The following HRG variants were observed in gnomAD, a reference collection of about 807,000 sequenced individuals.
HRG encodes histidine rich glycoprotein.
HRG carries 26 observed loss-of-function variants against 29.5 expected under a neutral mutation model. The observed-to-expected ratio is 0.88, with a 90% CI of 0.65 to 1.22. The LOEUF (loss-of-function observed/expected upper bound fraction) is 1.22. Ranked by LOEUF, HRG falls within the 50% of genes most tolerant of loss-of-function variation. The pLI is 0.00. For missense variants in HRG, 671 were observed against 654.5 expected (o/e 1.03, Z -0.28); for synonymous variants, 243 against 240.4 (o/e 1.01, Z -0.10).
chr3:186,675,302 T>TGAGAGAGAGAGAGAGAGA (rs766618968), intron 6 of HRG, 112 bp downstream of exon 6: 4 of 574,596 alleles, frequency 7.0e-6, no homozygotes, highest in Non-Finnish European at 1.3e-5. Context: ...TGTGTGTGTG[T>TGAGAGAGAGAGAGAGAGA]GTGTGTGAGA....
chr3:186,670,274 T>C (rs368800134), intron 3 of HRG, among the ~76,000 whole-genome samples: 2 of 152,044 alleles, frequency 1.3e-5, no homozygotes, highest in Non-Finnish European at 2.9e-5. Context: ...CACATAAAAA[T>C]AGAGATTTAG....
At chr3:186,675,911 C>T (rs1460575950) in intron 6 of HRG, among the ~76,000 whole-genome samples, 1 of 122,366 alleles carries the variant, frequency 8.2e-6, no homozygotes, top group African/African-American at 3.2e-5. Context: ...CTCTTATTGC[C>T]CAGGCTGGAA....
At position 186,675,184 on chromosome 3, in the gene HRG, C is replaced by A. The variant is rs146147437; in HGVS notation, c.735C>A (p.Asp245Glu). 81 of 1,609,962 alleles carry A rather than the reference C, an allele frequency of 5.0e-5. No individual in the cohort carries two copies. The African/African-American group carries it at 9.1e-4, about 18-fold the overall frequency. ...TTGTCATAAACTGTGAAGTCTTCGA[C>A]CCTCAGGTGGGTTGTCTAAGCAGAC... is the stretch of plus-strand genomic sequence containing the variant. The part of the protein sequence containing the change: ...KNLVINCEVF[D>E]PQEHENINGV... Residue 245 changes from aspartate to glutamate, a missense_variant, in exon 6 of 7, where the codon GAC (aspartate) becomes GAA (glutamate). Asp to Glu is a conservative substitution (Grantham distance 45). Coordinates refer to ENST00000232003, the MANE Select transcript of HRG (RefSeq NM_000412.5).
intron 5 of HRG, chr3:186,674,015 G>C (rs1354901913): frequency 6.6e-6 from 1 of 152,176 alleles, no homozygotes; most frequent in African/African-American, 2.4e-5. Flanking sequence ...CACTTAGCTA[G>C]AGAGTGTTAG....
chr3:186,669,087 A>G (rs978244941), intron 2 of HRG, 36 bp downstream of exon 2: 7 of 1,126,194 alleles, frequency 6.2e-6, no homozygotes, highest in Non-Finnish European at 9.5e-6. Flanking sequence ...TGCTCTTTTC[A>G]TTCTTATTTT....
In HRG at chr3:186,672,402, C is replaced by G. The variant is rs187523083; in HGVS notation, c.559-385C>G. ...GTATAGGAAAATGCAGGTTATAGAA[C>G]AGTACTTAGACTATGGACCCATTTA... On this transcript the variant is annotated intron_variant, in intron 4 of 6. Coordinates refer to ENST00000232003, the MANE Select transcript of HRG (RefSeq NM_000412.5). 2.6e-5 allele frequency among the ~76,000 whole-genome samples: 4 copies of G among 152,318 alleles called. No individual in the cohort carries two copies. The East Asian group carries it at 7.7e-4, about 29-fold the overall frequency.
chr3:186,669,766 A>C (rs865844845), intron 2 of HRG, 172 bp from the exon 3 acceptor site: 17 of 660,616 alleles, frequency 2.6e-5, no homozygotes, highest in Middle Eastern at 3.9e-4. Context: ...AGGATGCAGC[A>C]CACAGAAACT....
intron 4 of HRG, 101 bp downstream of exon 4, chr3:186,671,890 G>A: frequency 5.0e-6 from 5 of 990,282 alleles, no homozygotes; most frequent in Non-Finnish European, 3.2e-6. Flanking sequence ...CAATTGACTA[G>A]CTGCCTTTTA....
In HRG at chr3:186,666,195, A is replaced by T; in HGVS notation, c.164A>T (p.Asp55Val). 6.2e-7 allele frequency: 1 copy of T among 1,613,990 alleles called. No homozygotes were observed. The highest frequency in any genetic ancestry group is 1.7e-5 in the Admixed American group (1 of 60,016). Residue 55 changes from aspartate to valine, a missense_variant, in exon 1 of 7, where the codon GAT becomes GTT. By Grantham distance (152) the Asp-to-Val change is radical. Transcript: ENST00000232003. ...CTTTTCCAATTGCTGCGGATTGCTGATGCCCACTTGGACAGAGTGGTGAGG... is the reference window on the plus strand; with the variant it reads ...CTTTTCCAATTGCTGCGGATTGCTGTTGCCCACTTGGACAGAGTGGTGAGG... Reference protein sequence around the residue: ...GYLFQLLRIADAHLDRVENTT... With the variant: ...GYLFQLLRIAVAHLDRVENTT...
Position 186,666,210 on chromosome 3 carries a change from G to A in HRG, c.179G>A (p.Arg60Lys), listed in dbSNP as rs1718605600. 6.2e-7 allele frequency: 1 copy of A among 1,613,852 alleles called. No homozygotes were observed. Among genetic ancestry groups the A allele is most frequent in the Non-Finnish European group, 8.5e-7 (1 of 1,179,870 alleles). ...LLRIADAHLD[R>K]VENTTVYYLV... The stretch of plus-strand genomic sequence containing the variant: ...CGGATTGCTGATGCCCACTTGGACA[G>A]AGTGGTGAGGAATTGCCAATGGCAG... The change falls in exon 1 of 7, where the codon AGA becomes AAA. Residue 60 changes from arginine to lysine, a missense_variant. By Grantham distance (26) the Arg-to-Lys change is conservative. Coordinates refer to ENST00000232003, the MANE Select transcript of HRG (RefSeq NM_000412.5).
Position 186,677,975 on chromosome 3 carries a change from C to A in HRG, c.*92C>A. 1 of 1,279,550 alleles carries A rather than the reference C, an allele frequency of 7.8e-7. No individual in the cohort carries two copies. Among genetic ancestry groups the A allele is most frequent in the Non-Finnish European group, 1.1e-6 (1 of 898,638 alleles). 79.3% of individuals were successfully genotyped at this position (1,279,550 alleles called of 1,614,324 possible). A position where few individuals can be genotyped will look rare whatever the true frequency, so the allele number is the denominator to read the frequency against. On this transcript the variant is annotated 3_prime_UTR_variant, in exon 7 of 7. Transcript: ENST00000232003. ...TAATTGTGAAAATTACAGTTCTTTT[C>A]AACCTACTTTCATACTGAAGATGCA...
At chr3:186,673,175 C>T in intron 5 of HRG, 1 of 404,572 alleles carries the variant, frequency 2.5e-6, no homozygotes. Flanking sequence ...ACAGTGTCGG[C>T]TCACTGCAAC....
intron 6 of HRG, 71 bp downstream of exon 6, chr3:186,675,261 T>A (rs1463110829): frequency 2.2e-6 from 2 of 916,302 alleles, no homozygotes; most frequent in African/African-American, 3.3e-5. Flanking sequence ...ATAGTGTTGT[T>A]GCTTCCTAAA....
At position 186,671,531 on chromosome 3, in the gene HRG, T is replaced by C. The variant is rs1345757448; in HGVS notation, c.392-92T>C. On this transcript the variant is annotated intron_variant, in intron 3 of 6. Coordinates refer to ENST00000232003, the MANE Select transcript of HRG (RefSeq NM_000412.5). ...GCTCTTCCCACCCTCAATTTGCCCA[T>C]CCTTAAAATGAAAGTTATTGTCATT... 6 of 1,340,000 alleles carry C rather than the reference T, an allele frequency of 4.5e-6. No individual in the cohort carries two copies. In the Admixed American group the frequency reaches 1.0e-4, roughly 23 times the overall value. 83.0% of individuals were successfully genotyped at this position (1,340,000 alleles called of 1,614,324 possible). A position where few individuals can be genotyped will look rare whatever the true frequency, so the allele number is the denominator to read the frequency against.
At chr3:186,675,765 T>G (rs1301130071) in intron 6 of HRG, among the ~76,000 whole-genome samples, 1 of 150,850 alleles carries the variant, frequency 6.6e-6, no homozygotes, top group Admixed American at 6.6e-5. Context: ...AAATTTTTCA[T>G]ATCAGAAACA....
chr3:186,671,489 C>A, intron 3 of HRG, 134 bp from the exon 4 acceptor site: 1 of 900,764 alleles, frequency 1.1e-6, no homozygotes, highest in Non-Finnish European at 1.9e-6. Context: ...GCTGATTGAT[C>A]TTGAAGCAGT....
Position 186,666,019 on chromosome 3 carries a change from A to T in HRG, c.-13A>T, listed in dbSNP as rs376589876. ...CTGCAGTGGCAGATCATAGCAAGGG[A>T]TGGTTTAACAAAATGAAGGCACTCA... On this transcript the variant is annotated 5_prime_UTR_variant, in exon 1 of 7. An upstream start codon of the reference 5' UTR is lost. Transcript: ENST00000232003. 3.7e-6 allele frequency: 6 copies of T among 1,613,792 alleles called. No homozygotes were observed. Among genetic ancestry groups the T allele is most frequent in the Non-Finnish European group, 5.1e-6 (6 of 1,179,632 alleles).
intron 6 of HRG, among the ~76,000 whole-genome samples, chr3:186,676,674 A>G (rs910746035): frequency 1.3e-5 from 2 of 152,014 alleles, no homozygotes; most frequent in Non-Finnish European, 2.9e-5. Flanking sequence ...TTAGGTGGGC[A>G]TGGTGGCTTG....
Position 186,672,863 on chromosome 3 carries a change from C to G in HRG, c.635C>G (p.Pro212Arg). Residue 212 changes from proline to arginine, a missense_variant, in exon 5 of 7, where the codon CCC (proline) becomes CGC (arginine). Physicochemically the swap from Pro to Arg is moderately radical, Grantham distance 103. Coordinates refer to ENST00000232003, the MANE Select transcript of HRG (RefSeq NM_000412.5). ...CCCAGACACCATTTCCCCAGACACC[C>G]CAATGTGAGTATAAGAAATGTCTGT... ...NCPRHHFPRH[P>R]NVFGFCRADL... The G allele has an allele frequency of 6.3e-7, 1 of 1,597,668 alleles. No homozygotes were observed. The highest frequency in any genetic ancestry group is 8.6e-7 in the Non-Finnish European group (1 of 1,165,444).
Sources: allele counts gnomAD v4.1 joint callset (sites outside exome capture counted in the v4.1 genomes callset), GRCh38; gene constraint gnomAD v4.1.1; transcripts MANE v1.5; gene names NCBI Gene and HGNC (gene_info 2026-07-23, HGNC 2026-07-21).